Variants in ZFP64 observed in about 807,000 individuals in gnomAD.
ZFP64 encodes ZFP64 zinc finger protein, also known as zinc finger protein 64.
A neutral mutation model predicts 51.6 loss-of-function variants in ZFP64; 14 were observed. That is an observed-to-expected ratio of 0.27 (90% confidence interval 0.18 to 0.42). The LOEUF is 0.42. Among genes scored for constraint, ZFP64 ranks in the 10% least tolerant of loss-of-function variants. The probability of loss-of-function intolerance (pLI) is 1.00; values close to 1 mark genes in which losing one functional copy is unlikely to be tolerated. For missense variants in ZFP64, 754 were observed against 906.8 expected, an observed-to-expected ratio of 0.83 and a Z score of 2.16; for synonymous variants, 375 against 361.4, an observed-to-expected ratio of 1.04 and a Z score of -0.43.
chr20:52,145,909 CTG>C (rs1048633864), intron 5 of ZFP64, among the ~76,000 whole-genome samples: 6 of 152,130 alleles, frequency 3.9e-5, no homozygotes, highest in African/African-American at 1.4e-4. Flanking sequence ...CTTATTGTAA[CTG>C]TTTTACTTTA....
At chr20:52,104,574 T>C in intron 5 of ZFP64, 1 of 390,206 alleles carries the variant, frequency 2.6e-6, no homozygotes. Context: ...TCCGGTGACC[T>C]CTCGGGCTAC....
chr20:52,116,582 T>C (rs1006963995), intron 5 of ZFP64, among the ~76,000 whole-genome samples: 3 of 152,138 alleles, frequency 2.0e-5, no homozygotes, highest in Non-Finnish European at 4.4e-5. Context: ...CATTTCTATG[T>C]ACATTCATAT....
At chr20:52,089,890 C>G (rs1191516730) in intron 7 of ZFP64, among the ~76,000 whole-genome samples, 1 of 152,098 alleles carries the variant, frequency 6.6e-6, no homozygotes, top group Admixed American at 6.6e-5. Flanking sequence ...GAGCAGGGAG[C>G]ATGTGGGAAA....
intron 7 of ZFP64, among the ~76,000 whole-genome samples, chr20:52,092,859 CAAAACAAAAAAACT>C (rs1361787868): frequency 1.3e-5 from 2 of 151,944 alleles, no homozygotes; most frequent in Non-Finnish European, 1.5e-5. Flanking sequence ...CTCTCAAAAA[CAAAACAAAAAAACT>C]GAAACAAAAC....
At chr20:52,129,766 T>G (rs573559306) in intron 5 of ZFP64, among the ~76,000 whole-genome samples, 1 of 152,182 alleles carries the variant, frequency 6.6e-6, no homozygotes, top group South Asian at 2.1e-4. Flanking sequence ...AAAGCACATA[T>G]GTGTTGTGAC....
At chr20:52,139,475 G>C (rs1002151247) in intron 5 of ZFP64, among the ~76,000 whole-genome samples, 1 of 152,100 alleles carries the variant, frequency 6.6e-6, no homozygotes, top group Non-Finnish European at 1.5e-5. Context: ...ACAAAGATGG[G>C]AACAACAGAC....
Position 52,164,696 on chromosome 20 carries a change from C to G in ZFP64, c.510G>C (p.Thr170=). The change falls in exon 4 of 6, where the codon ACG becomes ACC. Residue 170 remains threonine, a splice_region_variant and synonymous_variant. Transcript: ENST00000216923. The part of the protein sequence containing the change: ...KDMERHLKIH[T]GDKPHKCEVC... ...ATGCGCTAAAGAAATGCTACTTACC[C>G]GTGTGAATTTTTAAATGCCGCTCCA... The G allele has an allele frequency of 6.2e-7, 1 of 1,613,546 alleles. No homozygotes were observed. Among genetic ancestry groups the G allele is most frequent in the Non-Finnish European group, 8.5e-7 (1 of 1,179,798 alleles).
intron 5 of ZFP64, among the ~76,000 whole-genome samples, chr20:52,120,746 G>A (rs1002279906): frequency 4.2e-5 from 6 of 141,666 alleles, no homozygotes; most frequent in Non-Finnish European, 6.0e-5. Flanking sequence ...GCGTGATCTC[G>A]GCTCACTGCA....
At chr20:52,119,531 A>ATATATATATATATATATAT (rs1458557217) in intron 5 of ZFP64, among the ~76,000 whole-genome samples, 1 of 65,190 alleles carries the variant, frequency 1.5e-5, no homozygotes, top group African/African-American at 5.9e-5. Flanking sequence ...AAAAAAAAAA[A>ATATATATATATATATATAT]AAATATATAT....
intron 5 of ZFP64, among the ~76,000 whole-genome samples, chr20:52,102,107 C>CCAAA (rs551838560): frequency 3.2e-5 from 2 of 63,438 alleles, no homozygotes; most frequent in Admixed American, 1.9e-4. Flanking sequence ...ACTCCATCTC[C>CCAAA]AAAAAAAAAA....
intron 5 of ZFP64, among the ~76,000 whole-genome samples, chr20:52,103,649 T>C (rs2079077440): frequency 6.6e-6 from 1 of 152,238 alleles, no homozygotes; most frequent in South Asian, 2.1e-4. Context: ...GCAATTCTCT[T>C]CTATAAACAC....
intron 5 of ZFP64, among the ~76,000 whole-genome samples, chr20:52,106,103 G>A (rs1331534774): frequency 6.6e-6 from 1 of 152,164 alleles, no homozygotes; most frequent in Non-Finnish European, 1.5e-5. Context: ...TGACTCGGGC[G>A]CACCGGCTCT....
chr20:52,089,351 C>G (rs1254125901), intron 7 of ZFP64, among the ~76,000 whole-genome samples: 1 of 152,136 alleles, frequency 6.6e-6, no homozygotes, highest in Non-Finnish European at 1.5e-5. Context: ...AATAAAAGTT[C>G]TAATAAGTTG....
At chr20:52,119,535 TATATATATATATATATATAC>T (rs1568663656) in intron 5 of ZFP64, among the ~76,000 whole-genome samples, 179 of 55,682 alleles carry the variant, frequency 3.2e-3, no homozygotes, top group African/African-American at 0.011. Context: ...AAAAAAAAAA[TATATATATATATATATATAC>T]ATATATATAT....
At position 52,152,120 on chromosome 20, in the gene ZFP64, C is replaced by G. The variant is rs753827623; in HGVS notation, c.*26G>C. On this transcript the variant is annotated 3_prime_UTR_variant, in exon 6 of 6. Coordinates refer to ENST00000216923, the MANE Select transcript of ZFP64 (RefSeq NM_018197.3). Reference sequence around the variant, plus strand: ...AGATTTCTTTTTCTCAATTCCTTTCCCCCACTCCTTTTGTTTTTTTAAGCA... The same window carrying G: ...AGATTTCTTTTTCTCAATTCCTTTCGCCCACTCCTTTTGTTTTTTTAAGCA... 1 of 1,581,614 alleles carries G rather than the reference C, an allele frequency of 6.3e-7. No homozygotes were observed. Among genetic ancestry groups the G allele is most frequent in the Admixed American group, 1.8e-5 (1 of 56,682 alleles).
At chr20:52,138,287 T>C (rs1980082247) in intron 5 of ZFP64, among the ~76,000 whole-genome samples, 1 of 151,424 alleles carries the variant, frequency 6.6e-6, no homozygotes, top group African/African-American at 2.4e-5. Context: ...GGAAATAAAG[T>C]TAAAAAGGAA....
chr20:52,142,765 A>G (rs1960910466), intron 5 of ZFP64, among the ~76,000 whole-genome samples: 2 of 122,452 alleles, frequency 1.6e-5, no homozygotes, highest in African/African-American at 2.9e-5. Context: ...GCTTGAACCC[A>G]GGAGGCGGAG....
At chr20:52,162,867 A>C (rs1219736833) in intron 4 of ZFP64, among the ~76,000 whole-genome samples, 1 of 152,152 alleles carries the variant, frequency 6.6e-6, no homozygotes, top group Admixed American at 6.6e-5. Flanking sequence ...TCCAGGGGTA[A>C]TTAAGCATAC....
intron 4 of ZFP64, among the ~76,000 whole-genome samples, chr20:52,164,402 G>A (rs1018510203): frequency 6.6e-6 from 1 of 152,066 alleles, no homozygotes; most frequent in Non-Finnish European, 1.5e-5. Flanking sequence ...GAATATGTGC[G>A]TTCAAATTTT....
Sources: gnomAD v4.1 joint callset for allele counts (sites outside exome capture counted in the v4.1 genomes callset) on GRCh38, gnomAD v4.1.1 for gene constraint, MANE v1.5 for transcripts, NCBI Gene and HGNC (gene_info 2026-07-23, HGNC 2026-07-21) for gene names.